Variants in KCNH7 observed in about 807,000 individuals in gnomAD.
KCNH7 encodes the protein voltage-gated inwardly rectifying potassium channel KCNH7.
Under a neutral mutation model 120.8 loss-of-function variants are expected in KCNH7, and 49 were observed. That is an observed-to-expected ratio of 0.41 (90% confidence interval 0.32 to 0.51). The LOEUF is 0.51. KCNH7 is among the 20% of genes least tolerant of loss of function. KCNH7 has a pLI of 0.38. For missense variants in KCNH7, 1,097 were observed against 1,446.6 expected (o/e 0.76, Z 3.92); for synonymous variants, 547 against 516.1 (o/e 1.06, Z -0.81).
At chr2:162,376,651 C>T (rs989985690) in intron 14 of KCNH7, among the ~76,000 whole-genome samples, 8 of 152,000 alleles carry the variant, frequency 5.3e-5, no homozygotes, top group African/African-American at 9.7e-5. Context: ...TGTGAGCCAC[C>T]GCGCCTGGCC....
At chr2:162,758,198 G>C (rs1382970675) in intron 2 of KCNH7, among the ~76,000 whole-genome samples, 1 of 152,140 alleles carries the variant, frequency 6.6e-6, no homozygotes, top group Non-Finnish European at 1.5e-5. Flanking sequence ...ATGAGACCTA[G>C]ACCTTGAACT....
At chr2:162,399,865 C>T (rs1029884970) in intron 10 of KCNH7, among the ~76,000 whole-genome samples, 1 of 151,840 alleles carries the variant, frequency 6.6e-6, no homozygotes, top group African/African-American at 2.4e-5. Context: ...AGGGATCAAG[C>T]ATGAAGCTAA....
intron 2 of KCNH7, among the ~76,000 whole-genome samples, chr2:162,809,810 A>C (rs1278585986): frequency 6.6e-6 from 1 of 152,188 alleles, no homozygotes; most frequent in Non-Finnish European, 1.5e-5. Context: ...TGACACTAGA[A>C]TAACATTAAC....
At chr2:162,721,758 T>C (rs1687330861) in intron 2 of KCNH7, among the ~76,000 whole-genome samples, 1 of 152,032 alleles carries the variant, frequency 6.6e-6, no homozygotes, top group African/African-American at 2.4e-5. Context: ...TTACGGAAAT[T>C]AAAAAATTTC....
At chr2:162,421,425 A>C (rs1290955294) in intron 9 of KCNH7, among the ~76,000 whole-genome samples, 1 of 152,146 alleles carries the variant, frequency 6.6e-6, no homozygotes, top group Non-Finnish European at 1.5e-5. Context: ...TGTTAAAGTT[A>C]AGGATTTCTA....
chr2:162,812,830 G>A (rs1684783486), intron 2 of KCNH7, among the ~76,000 whole-genome samples: 1 of 152,058 alleles, frequency 6.6e-6, no homozygotes, highest in Non-Finnish European at 1.5e-5. Context: ...TATCAAGAAA[G>A]CTAAGAAGAG....
At chr2:162,582,155 C>A (rs759128179) in intron 2 of KCNH7, among the ~76,000 whole-genome samples, 31 of 152,162 alleles carry the variant, frequency 2.0e-4, no homozygotes, top group Non-Finnish European at 4.1e-4. Flanking sequence ...AAGATTACCC[C>A]TGCTGGAATA....
intron 2 of KCNH7, among the ~76,000 whole-genome samples, chr2:162,561,205 T>C (rs954823470): frequency 5.9e-5 from 9 of 152,184 alleles, no homozygotes; most frequent in African/African-American, 1.7e-4. Context: ...TATTGAACAT[T>C]CATGATGCAT....
intron 2 of KCNH7, among the ~76,000 whole-genome samples, chr2:162,792,272 T>A (rs1040760970): frequency 2.0e-4 from 31 of 152,224 alleles, no homozygotes; most frequent in Non-Finnish European, 4.1e-4. Flanking sequence ...TGCAAGGTTT[T>A]GGTATCACAA....
chr2:162,505,526 G>A (rs1252270115), intron 5 of KCNH7, among the ~76,000 whole-genome samples: 2 of 151,864 alleles, frequency 1.3e-5, no homozygotes, highest in Admixed American at 1.3e-4. Flanking sequence ...AAGACTCCTG[G>A]TTTCTTTGTT....
In KCNH7 at chr2:162,435,325, G is replaced by C. The variant is rs1688199346; in HGVS notation, c.1827C>G (p.Ser609=). ...GTGCTGTGACGTATTTGTCTTTAATGGATGGTCCAGAACTTGAGTCACTGT... is the reference window on the plus strand; with the variant it reads ...GTGCTGTGACGTATTTGTCTTTAATCGATGGTCCAGAACTTGAGTCACTGT... The part of the protein sequence containing the change: ...YNDSDSSSGP[S]IKDKYVTALY... The change falls in exon 8 of 16, where the codon TCC becomes TCG. Residue 609 remains serine (S), a synonymous_variant. Transcript: ENST00000332142. 1 of 1,613,884 alleles carries C rather than the reference G, an allele frequency of 6.2e-7. No individual in the cohort carries two copies. The highest frequency in any genetic ancestry group is 2.2e-5 in the East Asian group (1 of 44,862).
intron 6 of KCNH7, among the ~76,000 whole-genome samples, chr2:162,468,922 T>C (rs1689400027): frequency 1.3e-5 from 2 of 151,944 alleles, no homozygotes; most frequent in Admixed American, 6.6e-5. Flanking sequence ...ATAATCATAG[T>C]TCACTGTAAC....
At chr2:162,657,460 T>C (rs562828570) in intron 2 of KCNH7, among the ~76,000 whole-genome samples, 1 of 152,328 alleles carries the variant, frequency 6.6e-6, no homozygotes, top group East Asian at 1.9e-4. Context: ...TGCATTTAAG[T>C]ACCTTCTTAA....
At chr2:162,580,085 T>G (rs2105915064) in intron 2 of KCNH7, among the ~76,000 whole-genome samples, 1 of 152,150 alleles carries the variant, frequency 6.6e-6, no homozygotes, top group South Asian at 2.1e-4. Context: ...CTGGAAAATA[T>G]GCAGAGAATG....
intron 5 of KCNH7, among the ~76,000 whole-genome samples, chr2:162,510,195 C>T (rs914287811): frequency 3.3e-5 from 5 of 151,444 alleles, no homozygotes; most frequent in Non-Finnish European, 7.4e-5. Context: ...TAACAAAGAA[C>T]TTTGAAATGT....
At chr2:162,418,283 C>G (rs1302372274) in intron 9 of KCNH7, among the ~76,000 whole-genome samples, 1 of 151,988 alleles carries the variant, frequency 6.6e-6, no homozygotes, top group Admixed American at 6.6e-5. Flanking sequence ...CTTTTAAATG[C>G]ATGGAGGATT....
In KCNH7 at chr2:162,372,041, A is replaced by G; in HGVS notation, c.3379T>C (p.Ser1127Pro). Residue 1127 changes from serine to proline, a missense_variant, in exon 16 of 16, where the codon TCA becomes CCA. Around this residue, in one of 8 missense-constraint regions of KCNH7, gnomAD observed 406 missense variants for 410.5 expected, o/e 0.99. Coordinates refer to ENST00000332142, the MANE Select transcript of KCNH7 (RefSeq NM_033272.4). Reference protein sequence around the residue: ...KSKLKSKESLSSGVHLNTASE... With the variant: ...KSKLKSKESLPSGVHLNTASE... ...GCTGTGTTCAGATGCACCCCACTTG[A>G]AAGGGATTCTTTGGATTTAAGTTTA... 4 of 1,613,400 alleles carry G rather than the reference A, an allele frequency of 2.5e-6. No individual in the cohort carries two copies. The highest frequency in any genetic ancestry group is 3.4e-6 in the Non-Finnish European group (4 of 1,179,476).
At chr2:162,437,680 G>A (rs745398692) in intron 7 of KCNH7, among the ~76,000 whole-genome samples, 5 of 152,036 alleles carry the variant, frequency 3.3e-5, no homozygotes, top group African/African-American at 7.3e-5. Flanking sequence ...ACCTTACAGA[G>A]TTATAGATAA....
chr2:162,746,464 G>A lies in KCNH7; in HGVS notation c.307+90073C>T, dbSNP rs529787947. ...TTCCTGTGGGTTCTTGTCCCTAGAG[G>A]TTTTCTCTGAGATTCTGGCTTAAAT... On this transcript the variant is annotated intron_variant, in intron 2 of 15. Transcript: ENST00000332142. Among the ~76,000 whole-genome samples, 22 of 152,150 alleles carry A rather than the reference G, an allele frequency of 1.4e-4. No individual in the cohort carries two copies. In the South Asian group the frequency reaches 4.6e-3, roughly 32 times the overall value.
Sources: allele counts gnomAD v4.1 joint callset (sites outside exome capture counted in the v4.1 genomes callset), GRCh38; gene constraint gnomAD v4.1.1; regional missense constraint gnomAD v4.1.1; transcripts MANE v1.5; gene names NCBI Gene and HGNC (gene_info 2026-07-23, HGNC 2026-07-21).